Variants in HNRNPUL1 observed in about 807,000 individuals in gnomAD.
The protein encoded by HNRNPUL1 is heterogeneous nuclear ribonucleoprotein U like 1.
A neutral mutation model predicts 108.5 loss-of-function variants in HNRNPUL1; 14 were observed. That is an observed-to-expected ratio of 0.13 (90% confidence interval 0.09 to 0.20). The LOEUF is 0.20. Among genes scored for constraint, HNRNPUL1 ranks in the 10% least tolerant of loss-of-function variants. The pLI, the probability that HNRNPUL1 is intolerant of heterozygous loss-of-function variation, is 1.00. For synonymous variants in HNRNPUL1, 422 were observed against 445.2 expected, an observed-to-expected ratio of 0.95 and a Z score of 0.66; for missense variants, 804 against 1,168.3, an observed-to-expected ratio of 0.69 and a Z score of 4.55.
At chr19:41,299,573 C>G (rs1330967707) in intron 10 of HNRNPUL1, among the ~76,000 whole-genome samples, 1 of 152,232 alleles carries the variant, frequency 6.6e-6, no homozygotes, top group Non-Finnish European at 1.5e-5. Context: ...TCACTGCCCA[C>G]TCCTTTGGCA....
At chr19:41,267,527 C>T (rs113120336) in intron 1 of HNRNPUL1, among the ~76,000 whole-genome samples, 16 of 152,302 alleles carry the variant, frequency 1.1e-4, no homozygotes, top group African/African-American at 3.6e-4. Context: ...GTAAACAGAC[C>T]GGTAGCAAAC....
Position 41,264,717 on chromosome 19 carries a change from C to A in HNRNPUL1, c.214C>A (p.Leu72Met). 1 of 1,470,268 alleles carries A rather than the reference C, an allele frequency of 6.8e-7. No homozygotes were observed. Among genetic ancestry groups the A allele is most frequent in the Middle Eastern group, 2.2e-4 (1 of 4,524 alleles). The allele number at this position is 1,470,268 out of a possible 1,614,324, so 91.1% of individuals were successfully genotyped here. A position where few individuals can be genotyped will look rare whatever the true frequency, so the allele number is the denominator to read the frequency against. The part of the protein sequence containing the change: ...EEVETEGGSE[L>M]EGTAQPPPPG... ...GGTCGAGACCGAGGGGGGCTCCGAGCTGGAGGGGACCGCGCAGCCACCGCC... is the reference window on the plus strand; with the variant it reads ...GGTCGAGACCGAGGGGGGCTCCGAGATGGAGGGGACCGCGCAGCCACCGCC... The change falls in exon 1 of 15, where the codon CTG becomes ATG. Residue 72 changes from leucine (L) to methionine (M), a missense_variant. Leu to Met is a conservative substitution (Grantham distance 15). Transcript: ENST00000392006.
chr19:41,268,905 A>G (rs1238905520), intron 2 of HNRNPUL1, among the ~76,000 whole-genome samples: 1 of 151,802 alleles, frequency 6.6e-6, no homozygotes, highest in African/African-American at 2.4e-5. Context: ...GAGAGTTGAG[A>G]CCCCTAGACT....
In HNRNPUL1 at chr19:41,291,450, C is replaced by A. The variant is rs141517856; in HGVS notation, c.1000-795C>A. Among the ~76,000 whole-genome samples the A allele has an allele frequency of 3.3e-5, 5 of 152,210 alleles. No homozygotes were observed. The East Asian group carries it at 9.7e-4, about 30-fold the overall frequency. The stretch of plus-strand genomic sequence containing the variant: ...TTCATCTGTTATATTCATAGACTGC[C>A]CTTTCTGGGTTTCTTTTGTTTGTTT... On this transcript the variant is annotated intron_variant, in intron 7 of 14. Transcript: ENST00000392006.
At chr19:41,295,410 C>T (rs998854882) in intron 10 of HNRNPUL1, among the ~76,000 whole-genome samples, 2 of 152,134 alleles carry the variant, frequency 1.3e-5, no homozygotes, top group African/African-American at 2.4e-5. Context: ...TTGTCCCTAT[C>T]TTTCAGCATT....
At chr19:41,269,976 C>T (rs924357060) in intron 2 of HNRNPUL1, among the ~76,000 whole-genome samples, 1 of 152,028 alleles carries the variant, frequency 6.6e-6, no homozygotes, top group South Asian at 2.1e-4. Flanking sequence ...ATCCTATAGC[C>T]CCAGCTACTC....
chr19:41,264,674 C>T lies in HNRNPUL1; in HGVS notation c.171C>T (p.Pro57=), dbSNP rs1251074580. 2.5e-6 allele frequency: 4 copies of T among 1,578,110 alleles called. No individual in the cohort carries two copies. Among genetic ancestry groups the T allele is most frequent in the East Asian group, 2.3e-5 (1 of 43,004 alleles). The change falls in exon 1 of 15, where the codon CCC becomes CCT. Residue 57 remains proline, a synonymous_variant. Coordinates refer to ENST00000392006, the MANE Select transcript of HNRNPUL1 (RefSeq NM_007040.6). ...ELDADDEPGR[P]GHINEEVETE... ...ACGCCGACGACGAACCGGGGCGACC[C>T]GGGCACATCAACGAGGAGGTCGAGA...
intron 1 of HNRNPUL1, 137 bp from the exon 2 acceptor site, chr19:41,268,086 A>C (rs2034965910): frequency 7.5e-6 from 6 of 805,016 alleles, no homozygotes; most frequent in Non-Finnish European, 1.1e-5. Context: ...TATAGTATGC[A>C]TGCCATGAAT....
At chr19:41,266,660 C>T (rs1240315167) in intron 1 of HNRNPUL1, among the ~76,000 whole-genome samples, 1 of 152,052 alleles carries the variant, frequency 6.6e-6, no homozygotes, top group Non-Finnish European at 1.5e-5. Flanking sequence ...AGAAGGGATT[C>T]TGGCGTAAGA....
At chr19:41,279,033 C>T (rs1412570660) in intron 5 of HNRNPUL1, 44 bp from the exon 6 acceptor site, 2 of 1,381,954 alleles carry the variant, frequency 1.4e-6, no homozygotes, top group South Asian at 1.2e-5. Flanking sequence ...TAACCTACGG[C>T]CTCCAGAGAA....
At chr19:41,296,641 G>A (rs1175756065) in intron 10 of HNRNPUL1, among the ~76,000 whole-genome samples, 1 of 152,244 alleles carries the variant, frequency 6.6e-6, no homozygotes, top group Non-Finnish European at 1.5e-5. Flanking sequence ...GGAGGGGGAA[G>A]TTGTGTGTTT....
At chr19:41,299,032 A>T (rs919677595) in intron 10 of HNRNPUL1, 1 of 152,074 alleles carries the variant, frequency 6.6e-6, no homozygotes, top group South Asian at 2.1e-4. Flanking sequence ...AGGAAGCCAA[A>T]CTCTTTCTTC....
intron 2 of HNRNPUL1, among the ~76,000 whole-genome samples, 171 bp downstream of exon 2, chr19:41,268,516 A>G (rs1212319925): frequency 2.6e-5 from 4 of 152,126 alleles, no homozygotes; most frequent in African/African-American, 9.7e-5. Flanking sequence ...TCTCAGTCCT[A>G]TTTCCAAGTG....
Position 41,307,329 on chromosome 19 carries a change from A to T in HNRNPUL1, c.*764A>T, listed in dbSNP as rs1197278451. ...AGCTTCTGTGTTCAGTTGAATTGTA[A>T]CTGCTTTTTGTATTTGGAGAGAGTG... On this transcript the variant is annotated 3_prime_UTR_variant, in exon 15 of 15. Coordinates refer to ENST00000392006, the MANE Select transcript of HNRNPUL1 (RefSeq NM_007040.6). The T allele has an allele frequency of 6.6e-6, 1 of 152,612 alleles. No homozygotes were observed. The highest frequency in any genetic ancestry group is 1.5e-5 in the Non-Finnish European group (1 of 68,028). The allele number at this position is 152,612 out of a possible 1,614,324, so 9.5% of individuals were successfully genotyped here. A position where few individuals can be genotyped will look rare whatever the true frequency, so the allele number is the denominator to read the frequency against.
At chr19:41,303,148 C>T (rs1219047568) in intron 12 of HNRNPUL1, among the ~76,000 whole-genome samples, 199 bp downstream of exon 12, 1 of 152,194 alleles carries the variant, frequency 6.6e-6, no homozygotes. Context: ...GGTTATGAAG[C>T]CCTTTGCCCA....
rs758892448 is a variant in HNRNPUL1 at position 41,268,360 on chromosome 19, A to G, written c.418+15A>G. Reference sequence around the variant, plus strand: ...CTATCGTCCAGGTAGGAAAATACACATGGTTCATCTCTTTGGATGGAAACA... The same window carrying G: ...CTATCGTCCAGGTAGGAAAATACACGTGGTTCATCTCTTTGGATGGAAACA... On this transcript the variant is annotated intron_variant, in intron 2 of 14. Coordinates refer to ENST00000392006, the MANE Select transcript of HNRNPUL1 (RefSeq NM_007040.6). 2 of 1,612,248 alleles carry G rather than the reference A, an allele frequency of 1.2e-6. No individual in the cohort carries two copies. The highest frequency in any genetic ancestry group is 2.2e-5 in the South Asian group (2 of 90,800).
chr19:41,302,494 C>T (rs1225889491), intron 11 of HNRNPUL1, 171 bp from the exon 12 acceptor site: 3 of 820,590 alleles, frequency 3.7e-6, no homozygotes, highest in East Asian at 5.4e-5. Flanking sequence ...GCTGGGATTA[C>T]AGGCGTGAGC....
At chr19:41,264,359 G>A (rs572584477), upstream of HNRNPUL1, 5 of 592,248 alleles carry the variant, frequency 8.4e-6, no homozygotes, top group East Asian at 1.4e-4. Context: ...GGGGGGAGGC[G>A]GTGGCGGCGG....
intron 1 of HNRNPUL1, among the ~76,000 whole-genome samples, chr19:41,267,334 G>A (rs776310362): frequency 6.6e-5 from 10 of 152,142 alleles, no homozygotes; most frequent in Non-Finnish European, 1.3e-4. Context: ...GAGAGATGCT[G>A]GGGAAAAGAG....
Sources: allele counts gnomAD v4.1 joint callset (sites outside exome capture counted in the v4.1 genomes callset), GRCh38; gene constraint gnomAD v4.1.1; transcripts MANE v1.5; gene names NCBI Gene and HGNC (gene_info 2026-07-23, HGNC 2026-07-21).